Variants in PLXNA4 observed in about 807,000 individuals in gnomAD.
The protein encoded by PLXNA4 is plexin A4.
PLXNA4 carries 44 observed loss-of-function variants against 191.8 expected under a neutral mutation model. The ratio of observed to expected loss-of-function variants is 0.23; its 90% CI spans 0.18 to 0.29. PLXNA4 has a LOEUF of 0.29. Ranked by LOEUF, PLXNA4 falls within the 10% of genes least tolerant of loss-of-function variation. PLXNA4 has a pLI of 1.00. For missense variants in PLXNA4, 1,800 were observed against 2,488.8 expected, an observed-to-expected ratio of 0.72 and a Z score of 5.89; for synonymous variants, 1,082 against 1,009.5, an observed-to-expected ratio of 1.07 and a Z score of -1.36.
intron 7 of PLXNA4, among the ~76,000 whole-genome samples, chr7:132,227,153 T>C (rs935137343): frequency 2.0e-5 from 3 of 152,318 alleles, no homozygotes; most frequent in Admixed American, 6.5e-5. Context: ...AACCACATGT[T>C]CTGCTGCTGT....
intron 3 of PLXNA4, among the ~76,000 whole-genome samples, chr7:132,458,512 T>C (rs964571381): frequency 6.0e-5 from 9 of 151,168 alleles, no homozygotes; most frequent in African/African-American, 2.2e-4. Flanking sequence ...CTGCATAGAG[T>C]GAGCTGGGTA....
intron 3 of PLXNA4, among the ~76,000 whole-genome samples, chr7:132,473,133 C>G (rs1301288148): frequency 6.6e-6 from 1 of 152,188 alleles, no homozygotes; most frequent in Non-Finnish European, 1.5e-5. Context: ...CAAAGGGGGG[C>G]AAGGATCCCT....
At chr7:132,486,055 C>A (rs941234202) in intron 3 of PLXNA4, among the ~76,000 whole-genome samples, 1 of 152,196 alleles carries the variant, frequency 6.6e-6, no homozygotes, top group Non-Finnish European at 1.5e-5. Flanking sequence ...CTCCTGCCCA[C>A]CTACCCCCAT....
intron 4 of PLXNA4, among the ~76,000 whole-genome samples, chr7:132,260,685 AAAAG>A (rs1312472772): frequency 6.6e-6 from 1 of 152,120 alleles, no homozygotes; most frequent in Non-Finnish European, 1.5e-5. Context: ...TAAAAAAAAA[AAAAG>A]GATCTGTGGT....
chr7:132,560,973 C>T (rs1801013442), intron 1 of PLXNA4, among the ~76,000 whole-genome samples: 1 of 152,104 alleles, frequency 6.6e-6, no homozygotes, highest in African/African-American at 2.4e-5. Context: ...CCACGTGGCC[C>T]CCGCTGAACC....
Position 132,596,013 on chromosome 7 carries a change from A to G in PLXNA4, c.-87+49915T>C, listed in dbSNP as rs145105608. Among the ~76,000 whole-genome samples, 3 of 152,298 alleles carry G rather than the reference A, an allele frequency of 2.0e-5. No individual in the cohort carries two copies. In the East Asian group the frequency reaches 5.8e-4, roughly 29 times the overall value. On this transcript the variant is annotated intron_variant, in intron 2 of 4. Coordinates refer to the PLXNA4 transcript ENST00000378539. ...TACTCAATTTTTCCATCATCTTAAG[A>G]AATATATTTTATAGGGTTTTTTTAC...
chr7:132,481,157 T>C (rs1020855355), intron 3 of PLXNA4, among the ~76,000 whole-genome samples: 3 of 152,048 alleles, frequency 2.0e-5, no homozygotes, highest in African/African-American at 7.2e-5. Context: ...TTCCTGTCCC[T>C]AAAGTGCTCC....
chr7:132,125,587 A>T lies in PLXNA4; in HGVS notation c.*4892T>A, dbSNP rs1217093402. The T allele has an allele frequency of 1.3e-5, 2 of 152,178 alleles. No individual in the cohort carries two copies. The highest frequency in any genetic ancestry group is 4.8e-5 in the African/African-American group (2 of 41,444). 9.4% of individuals were successfully genotyped at this position (152,178 alleles called of 1,614,324 possible). On this transcript the variant is annotated 3_prime_UTR_variant, in exon 32 of 32. Transcript: ENST00000321063. Reference sequence around the variant, plus strand: ...AAAAACCAAACAACTCCAAAATCCCAAATAAATGGCCCACAGTTTTGTTTT... The same window carrying T: ...AAAAACCAAACAACTCCAAAATCCCTAATAAATGGCCCACAGTTTTGTTTT...
At chr7:132,255,652 T>C (rs1462354376) in intron 4 of PLXNA4, among the ~76,000 whole-genome samples, 1 of 152,186 alleles carries the variant, frequency 6.6e-6, no homozygotes, top group African/African-American at 2.4e-5. Context: ...CTCACAGTCT[T>C]ATTCCTAACC....
chr7:132,221,575 C>T (rs1798146937), intron 9 of PLXNA4, among the ~76,000 whole-genome samples: 1 of 152,206 alleles, frequency 6.6e-6, no homozygotes. Flanking sequence ...GACTGTGCAG[C>T]CTTTTATCAA....
chr7:132,376,800 G>A (rs1247775482), intron 3 of PLXNA4, among the ~76,000 whole-genome samples: 2 of 152,168 alleles, frequency 1.3e-5, no homozygotes, highest in African/African-American at 4.8e-5. Flanking sequence ...CGGACACGGG[G>A]CAGCCATCAC....
chr7:132,350,606 G>A (rs745622999), intron 3 of PLXNA4, among the ~76,000 whole-genome samples: 10 of 152,182 alleles, frequency 6.6e-5, no homozygotes, highest in African/African-American at 9.7e-5. Context: ...TTTCCCACCC[G>A]CTGGGATGGC....
intron 24 of PLXNA4, among the ~76,000 whole-genome samples, chr7:132,162,280 C>T (rs1795974512): frequency 6.6e-6 from 1 of 152,336 alleles, no homozygotes; most frequent in Middle Eastern, 3.4e-3. Flanking sequence ...TCCCTGTGGC[C>T]GTTTCTTCTC....
At chr7:132,451,239 T>C (rs903040305) in intron 3 of PLXNA4, among the ~76,000 whole-genome samples, 4 of 152,158 alleles carry the variant, frequency 2.6e-5, no homozygotes, top group Admixed American at 2.6e-4. Flanking sequence ...CATAAGCATC[T>C]CATCTTAAGG....
intron 3 of PLXNA4, among the ~76,000 whole-genome samples, chr7:132,476,854 C>CA (rs1797148891): frequency 6.6e-6 from 1 of 152,164 alleles, no homozygotes; most frequent in East Asian, 1.9e-4. Context: ...AAAGTGCCCT[C>CA]ACTCTTAACA....
At chr7:132,423,621 A>G (rs936491645) in intron 3 of PLXNA4, among the ~76,000 whole-genome samples, 1 of 152,176 alleles carries the variant, frequency 6.6e-6, no homozygotes. Flanking sequence ...CATTTCAGCA[A>G]AAAAGCTGAG....
At chr7:132,193,794 C>A (rs1288089614) in intron 14 of PLXNA4, among the ~76,000 whole-genome samples, 1 of 152,188 alleles carries the variant, frequency 6.6e-6, no homozygotes, top group African/African-American at 2.4e-5. Flanking sequence ...GCCATGCACC[C>A]ACCTGGGGAC....
chr7:132,457,504 G>T lies in PLXNA4; in HGVS notation c.1371+31788C>A, dbSNP rs560394179. 2.6e-5 allele frequency among the ~76,000 whole-genome samples: 4 copies of T among 152,306 alleles called. No homozygotes were observed. In the East Asian group the frequency reaches 7.7e-4, roughly 29 times the overall value. ...GTGCCATTTATGATGTTTCATGAAG[G>T]TAGGTTCTGAGGATGACATGGTGAA... On this transcript the variant is annotated intron_variant, in intron 3 of 31. Transcript: ENST00000321063.
intron 1 of PLXNA4, among the ~76,000 whole-genome samples, chr7:132,575,442 T>C (rs1802183026): frequency 1.3e-5 from 2 of 152,104 alleles, no homozygotes; most frequent in Admixed American, 1.3e-4. Context: ...GAGGGGAGCC[T>C]CCTCTTTTGG....
Sources: allele counts gnomAD v4.1 joint callset (sites outside exome capture counted in the v4.1 genomes callset), GRCh38; gene constraint gnomAD v4.1.1; transcripts MANE v1.5; gene names NCBI Gene and HGNC (gene_info 2026-07-23, HGNC 2026-07-21).